The following LIMCH1 variants were observed in gnomAD, a reference collection of about 807,000 sequenced individuals.
LIMCH1 encodes LIM and calponin homology domains-containing protein 1.
A neutral mutation model predicts 176.5 loss-of-function variants in LIMCH1; 113 were observed. The ratio of observed to expected loss-of-function variants is 0.64; its 90% CI spans 0.55 to 0.75. The LOEUF (loss-of-function observed/expected upper bound fraction) is 0.75, where lower values mean the gene tolerates loss of function less well. Ranked by LOEUF, LIMCH1 falls within the 30% of genes least tolerant of loss-of-function variation. LIMCH1 has a pLI of 0.00. For synonymous variants in LIMCH1, 619 were observed against 645.9 expected, an observed-to-expected ratio of 0.96 and a Z score of 0.63; for missense variants, 1,674 against 1,814.9, an observed-to-expected ratio of 0.92 and a Z score of 1.41.
intron 1 of LIMCH1, among the ~76,000 whole-genome samples, chr4:41,594,974 A>G (rs1005265260): frequency 6.6e-6 from 1 of 152,224 alleles, no homozygotes; most frequent in South Asian, 2.1e-4. Context: ...GAAAGCACTC[A>G]GAGCTTAAAG....
chr4:41,446,010 G>A (rs1050570811), intron 1 of LIMCH1, among the ~76,000 whole-genome samples: 14 of 152,180 alleles, frequency 9.2e-5, no homozygotes, highest in African/African-American at 3.1e-4. Flanking sequence ...ACAGAACGAA[G>A]TTTCCCTAAA....
chr4:41,385,310 G>A (rs534385912), intron 1 of LIMCH1, among the ~76,000 whole-genome samples: 1 of 152,302 alleles, frequency 6.6e-6, no homozygotes, highest in South Asian at 2.1e-4. Context: ...GAGCAAGTGA[G>A]CCTCCTCTTT....
At chr4:41,550,215 A>G (rs1199099339) in intron 1 of LIMCH1, among the ~76,000 whole-genome samples, 1 of 151,574 alleles carries the variant, frequency 6.6e-6, no homozygotes, top group Non-Finnish European at 1.5e-5. Flanking sequence ...AATTTGATAT[A>G]GAATCTAATT....
intron 2 of LIMCH1, among the ~76,000 whole-genome samples, chr4:41,509,580 G>C (rs911724481): frequency 6.6e-6 from 1 of 152,210 alleles, no homozygotes; most frequent in Non-Finnish European, 1.5e-5. Flanking sequence ...AAGTTCAAGT[G>C]AGGACATTTC....
intron 14 of LIMCH1, among the ~76,000 whole-genome samples, chr4:41,642,737 C>CTTTTTTTTTTTT (rs368906535): frequency 7.3e-5 from 10 of 136,394 alleles, no homozygotes; most frequent in African/African-American, 1.1e-4. Context: ...TTTCTTTTTT[C>CTTTTTTTTTTTT]TTTTTTTTTT....
chr4:41,453,170 C>T (rs1054554421), intron 1 of LIMCH1, among the ~76,000 whole-genome samples: 3 of 152,184 alleles, frequency 2.0e-5, no homozygotes, highest in African/African-American at 7.2e-5. Context: ...TGGGATTGTC[C>T]AACCTCTTCA....
At chr4:41,414,910 C>T (rs375456706) in intron 1 of LIMCH1, among the ~76,000 whole-genome samples, 2 of 152,128 alleles carry the variant, frequency 1.3e-5, no homozygotes, top group Non-Finnish European at 2.9e-5. Flanking sequence ...GTTAGGAACA[C>T]GGACTCTGGA....
At position 41,682,330 on chromosome 4, in the gene LIMCH1, TAGAATA is replaced by T; in HGVS notation, c.3719_3724del (p.Asn1240_Lys1241del). The T allele has an allele frequency of 6.2e-7, 1 of 1,606,834 alleles. No individual in the cohort carries two copies. The highest frequency in any genetic ancestry group is 8.5e-7 in the Non-Finnish European group (1 of 1,175,066). ...TTAAGATTTTCATTGTTTTTCTCCT[TAGAATA>T]AGATAGACCTGGGAAACTGTCAAGA... is the stretch of plus-strand genomic sequence containing the variant. On this transcript the variant is annotated splice_acceptor_variant and coding_sequence_variant, in exon 26 of 32. Transcript: ENST00000503057. LOFTEE classifies it high-confidence loss of function.
chr4:41,524,635 A>G (rs1295282461), intron 3 of LIMCH1, among the ~76,000 whole-genome samples: 1 of 152,240 alleles, frequency 6.6e-6, no homozygotes, highest in Non-Finnish European at 1.5e-5. Context: ...TTAAAATGAA[A>G]GATTGCAGTC....
At chr4:41,452,178 C>T (rs994693195) in intron 1 of LIMCH1, among the ~76,000 whole-genome samples, 1 of 152,184 alleles carries the variant, frequency 6.6e-6, no homozygotes, top group South Asian at 2.1e-4. Context: ...CATGCCCAGC[C>T]ACATCTTCTC....
chr4:41,619,110 A>C (rs2092367050), intron 5 of LIMCH1, 78 bp from the exon 6 acceptor site: 4 of 1,504,178 alleles, frequency 2.7e-6, no homozygotes, highest in Non-Finnish European at 3.7e-6. Context: ...ATTGAACCAC[A>C]TCCCTAATGC....
intron 1 of LIMCH1, among the ~76,000 whole-genome samples, chr4:41,369,456 G>C (rs2053613057): frequency 6.6e-6 from 1 of 152,076 alleles, no homozygotes; most frequent in African/African-American, 2.4e-5. Flanking sequence ...TATTCCTCAG[G>C]AAAAAGGGGA....
intron 1 of LIMCH1, among the ~76,000 whole-genome samples, chr4:41,386,683 T>C (rs963923362): frequency 2.6e-5 from 4 of 152,196 alleles, no homozygotes; most frequent in African/African-American, 9.6e-5. Context: ...AACCCAATTT[T>C]CCATGACCTG....
At chr4:41,668,719 G>A (rs1482905367) in intron 21 of LIMCH1, among the ~76,000 whole-genome samples, 1 of 152,170 alleles carries the variant, frequency 6.6e-6, no homozygotes, top group South Asian at 2.1e-4. Context: ...TCATGCTGTT[G>A]ATAAAGACAT....
At chr4:41,632,389 G>A (rs1380312934) in intron 10 of LIMCH1, among the ~76,000 whole-genome samples, 1 of 152,082 alleles carries the variant, frequency 6.6e-6, no homozygotes, top group Non-Finnish European at 1.5e-5. Flanking sequence ...ATAGAAGAGA[G>A]AAGGCTATAA....
At chr4:41,420,436 C>T (rs1167619632) in intron 1 of LIMCH1, among the ~76,000 whole-genome samples, 1 of 152,194 alleles carries the variant, frequency 6.6e-6, no homozygotes, top group African/African-American at 2.4e-5. Context: ...GCCTTGGATT[C>T]AGGGTGTAGG....
At chr4:41,386,228 C>A (rs2056474131) in intron 1 of LIMCH1, among the ~76,000 whole-genome samples, 1 of 152,118 alleles carries the variant, frequency 6.6e-6, no homozygotes, top group African/African-American at 2.4e-5. Flanking sequence ...TATTCCAGGG[C>A]TTCTGTTACC....
rs185190417 is a variant in LIMCH1 at position 41,462,893 on chromosome 4, A to C, written c.97-31643A>C. Among the ~76,000 whole-genome samples the C allele has an allele frequency of 5.7e-3, 827 of 144,030 alleles. 14 individuals carry two copies. Among genetic ancestry groups the C allele is most frequent in the African/African-American group, 0.019 (786 of 40,880 alleles). The allele number at this position is 144,030 out of a possible 152,430, so 94.5% of individuals were successfully genotyped here. A position where few individuals can be genotyped will look rare whatever the true frequency, so the allele number is the denominator to read the frequency against. On this transcript the variant is annotated intron_variant, in intron 1 of 26. Transcript: ENST00000313860. ...AAAATAGACCTTTTATTTTTTTTTA[A>C]GTTTATATTGAAATTCCATCTTTAC...
intron 1 of LIMCH1, among the ~76,000 whole-genome samples, chr4:41,541,712 T>TGTGAAGCAGA (rs1561683681): frequency 6.6e-6 from 1 of 152,224 alleles, no homozygotes; most frequent in Admixed American, 6.5e-5. Flanking sequence ...CAGTCATTTC[T>TGTGAAGCAGA]TCCACAGCAG....
Sources: allele counts gnomAD v4.1 joint callset (sites outside exome capture counted in the v4.1 genomes callset), GRCh38; gene constraint gnomAD v4.1.1; transcripts MANE v1.5; gene names NCBI Gene and HGNC (gene_info 2026-07-23, HGNC 2026-07-21).